The following PACRG variants were observed in gnomAD, a reference collection of about 807,000 sequenced individuals.
PACRG encodes the protein parkin coregulated.
PACRG carries 29 observed loss-of-function variants against 29.7 expected under a neutral mutation model. The ratio of observed to expected loss-of-function variants is 0.98; its 90% CI spans 0.73 to 1.33. PACRG has a LOEUF of 1.33. Ranked by LOEUF, PACRG falls within the 40% of genes most tolerant of loss-of-function variation. The pLI is 0.00. For synonymous variants in PACRG, 116 were observed against 118.7 expected (o/e 0.98, Z 0.15); for missense variants, 279 against 316.2 (o/e 0.88, Z 0.89).
intron 1 of PACRG, among the ~76,000 whole-genome samples, chr6:162,752,674 C>G (rs1012022867): frequency 7.2e-5 from 11 of 152,170 alleles, no homozygotes; most frequent in African/African-American, 2.7e-4. Context: ...AATGTGGTGG[C>G]ACACTTTAGC....
At chr6:162,867,743 C>T (rs1792423316) in intron 2 of PACRG, among the ~76,000 whole-genome samples, 1 of 152,114 alleles carries the variant, frequency 6.6e-6, no homozygotes, top group Non-Finnish European at 1.5e-5. Context: ...AGGTGGCTAC[C>T]CTCTAGGGTC....
intron 2 of PACRG, among the ~76,000 whole-genome samples, chr6:162,951,276 A>G (rs986453779): frequency 6.6e-6 from 1 of 152,224 alleles, no homozygotes; most frequent in Non-Finnish European, 1.5e-5. Flanking sequence ...AAGTCTATTT[A>G]TGCAAATGAA....
intron 4 of PACRG, among the ~76,000 whole-genome samples, chr6:163,129,091 A>G (rs1305887803): frequency 6.6e-6 from 1 of 152,212 alleles, no homozygotes; most frequent in Non-Finnish European, 1.5e-5. Context: ...AAATGTGTCC[A>G]TGTACACACT....
chr6:163,093,813 T>C (rs76023284), intron 4 of PACRG, among the ~76,000 whole-genome samples: 1,540 of 152,328 alleles, frequency 0.01, 32 homozygotes, highest in African/African-American at 0.036. Flanking sequence ...TTTACCATTA[T>C]AGACTAATAA....
At chr6:163,092,237 C>T (rs890868520) in intron 4 of PACRG, among the ~76,000 whole-genome samples, 1 of 152,208 alleles carries the variant, frequency 6.6e-6, no homozygotes, top group African/African-American at 2.4e-5. Flanking sequence ...GTTTTAATGT[C>T]ACATGAACTT....
chr6:163,050,216 T>G (rs1204036444), intron 2 of PACRG, among the ~76,000 whole-genome samples: 1 of 152,138 alleles, frequency 6.6e-6, no homozygotes, highest in Non-Finnish European at 1.5e-5. Flanking sequence ...TTTTTTTCAT[T>G]CCCTCTTCTC....
chr6:163,054,676 C>G (rs936887209), intron 2 of PACRG, among the ~76,000 whole-genome samples: 1 of 152,100 alleles, frequency 6.6e-6, no homozygotes, highest in African/African-American at 2.4e-5. Context: ...AAAGGGGAAA[C>G]AGGGACTCTC....
chr6:162,741,455 C>A (rs1055017909), intron 1 of PACRG, among the ~76,000 whole-genome samples: 1 of 152,176 alleles, frequency 6.6e-6, no homozygotes, highest in East Asian at 1.9e-4. Flanking sequence ...CAGATAGCCA[C>A]CTTCTTGCTG....
At chr6:162,756,632 C>T (rs1157034975) in intron 1 of PACRG, among the ~76,000 whole-genome samples, 2 of 152,148 alleles carry the variant, frequency 1.3e-5, no homozygotes, top group East Asian at 1.9e-4. Context: ...GTAATTTAAT[C>T]CATTTACATT....
chr6:163,094,004 A>G (rs190857473), intron 4 of PACRG, among the ~76,000 whole-genome samples: 1 of 152,312 alleles, frequency 6.6e-6, no homozygotes, highest in Admixed American at 6.5e-5. Context: ...TTTTAAAACA[A>G]CTTCTAAGGA....
chr6:163,012,709 C>A (rs1273405048), intron 2 of PACRG, among the ~76,000 whole-genome samples: 1 of 152,210 alleles, frequency 6.6e-6, no homozygotes, highest in Non-Finnish European at 1.5e-5. Flanking sequence ...GGAGAAAGGA[C>A]TGAAACAGTA....
At position 163,269,843 on chromosome 6, in the gene PACRG, AAGAAAGAAAGAAAGAGAAAGAAAG is replaced by A. The variant is rs1783681193; in HGVS notation, c.614-44968_614-44945del. ...AAGGAGAAAGAAAGAAAGAAAAAGA[AAGAAAGAAAGAAAGAGAAAGAAAG>A]AGAAAGAAAGAAAGAAAGAAAGAAA... On this transcript the variant is annotated intron_variant, in intron 4 of 4. Coordinates refer to ENST00000366888, the MANE Select transcript of PACRG (RefSeq NM_001080379.2). 2.5e-5 allele frequency among the ~76,000 whole-genome samples: 2 copies of A among 79,808 alleles called. 1 individual carries two copies. The highest frequency in any genetic ancestry group is 4.9e-5 in the Non-Finnish European group (2 of 40,590). The allele number at this position is 79,808 out of a possible 152,430, so 52.4% of individuals were successfully genotyped here. A position where few individuals can be genotyped will look rare whatever the true frequency, so the allele number is the denominator to read the frequency against.
At chr6:163,252,709 A>C (rs1225869501) in intron 4 of PACRG, among the ~76,000 whole-genome samples, 1 of 152,240 alleles carries the variant, frequency 6.6e-6, no homozygotes, top group Non-Finnish European at 1.5e-5. Context: ...CACATTCACA[A>C]AGACGCTTTT....
At chr6:163,204,841 T>C (rs1780839155) in intron 4 of PACRG, among the ~76,000 whole-genome samples, 1 of 152,172 alleles carries the variant, frequency 6.6e-6, no homozygotes, top group Non-Finnish European at 1.5e-5. Flanking sequence ...GCTCAAGACC[T>C]CCTTGATCTG....
intron 4 of PACRG, among the ~76,000 whole-genome samples, chr6:163,231,712 C>T (rs1295367109): frequency 6.6e-6 from 1 of 152,234 alleles, no homozygotes; most frequent in Non-Finnish European, 1.5e-5. Flanking sequence ...CAACAAACTC[C>T]ATCTGCCAGT....
chr6:163,160,258 G>A (rs113977686), intron 4 of PACRG, among the ~76,000 whole-genome samples: 3 of 152,086 alleles, frequency 2.0e-5, no homozygotes, highest in South Asian at 2.1e-4. Flanking sequence ...AGTAACCAGG[G>A]AACTACAGTG....
chr6:162,806,642 A>G (rs1022026198), intron 1 of PACRG, among the ~76,000 whole-genome samples: 2 of 152,164 alleles, frequency 1.3e-5, no homozygotes, highest in African/African-American at 2.4e-5. Context: ...AAAATATTCA[A>G]TAAACCATGC....
chr6:163,107,862 T>C (rs1295407623), intron 4 of PACRG, among the ~76,000 whole-genome samples: 5 of 152,272 alleles, frequency 3.3e-5, no homozygotes, highest in Non-Finnish European at 7.3e-5. Context: ...TCTTGCTCTA[T>C]AAATTTCTCC....
At chr6:163,186,007 G>C (rs1387771644) in intron 4 of PACRG, among the ~76,000 whole-genome samples, 1 of 152,114 alleles carries the variant, frequency 6.6e-6, no homozygotes, top group Non-Finnish European at 1.5e-5. Flanking sequence ...TCTCTGTTTT[G>C]GTCCAGCCTA....
Sources: allele counts gnomAD v4.1 joint callset (sites outside exome capture counted in the v4.1 genomes callset), GRCh38; gene constraint gnomAD v4.1.1; transcripts MANE v1.5; gene names NCBI Gene and HGNC (gene_info 2026-07-23, HGNC 2026-07-21).